The following C1QTNF1 variants were observed in gnomAD, a reference collection of about 807,000 sequenced individuals.
C1QTNF1 encodes the protein C1q and TNF related 1.
In C1QTNF1, 22 loss-of-function variants were observed where a neutral mutation model predicts 27.8. The observed-to-expected ratio is 0.79, with a 90% CI of 0.56 to 1.13. The LOEUF is 1.13. C1QTNF1 is among the 50% of genes most tolerant of loss of function. The pLI, the probability that C1QTNF1 is intolerant of heterozygous loss-of-function variation, is 0.00. For synonymous variants in C1QTNF1, 166 were observed against 154.3 expected, an observed-to-expected ratio of 1.08 and a Z score of -0.56; for missense variants, 373 against 380.2, an observed-to-expected ratio of 0.98 and a Z score of 0.16.
intron 1 of C1QTNF1, among the ~76,000 whole-genome samples, chr17:79,036,095 C>G (rs1215038247): frequency 2.0e-5 from 3 of 152,260 alleles, no homozygotes; most frequent in Non-Finnish European, 4.4e-5. Flanking sequence ...TAGAACAGAG[C>G]TGTCCAACAA....
chr17:79,046,617 G>T lies in C1QTNF1; in HGVS notation c.218G>T (p.Cys73Phe). The T allele has an allele frequency of 6.2e-7, 1 of 1,614,242 alleles. No individual in the cohort carries two copies. Among genetic ancestry groups the T allele is most frequent in the Non-Finnish European group, 8.5e-7 (1 of 1,180,034 alleles). The change falls in exon 3 of 4, where the codon TGC becomes TTC. Residue 73 changes from cysteine to phenylalanine, a missense_variant. Physicochemically the swap from Cys to Phe is radical, Grantham distance 205. Transcript: ENST00000579760. This position sits in a 1 kb window ranked among gnomAD's most constrained non-coding sequence, Gnocchi z 4.8. ...GACCAGGGGCTCCCTGCTTCCCGGT[G>T]CTTGCGCTGCTGTGACCCCGGTACC... is the stretch of plus-strand genomic sequence containing the variant. ...SQDQGLPASRCLRCCDPGTSM... is the reference protein window; with the variant it reads ...SQDQGLPASRFLRCCDPGTSM...
intron 1 of C1QTNF1, among the ~76,000 whole-genome samples, chr17:79,042,452 G>A (rs73408642): frequency 2.0e-5 from 3 of 152,236 alleles, no homozygotes; most frequent in Non-Finnish European, 2.9e-5. Context: ...GGAGTGAGAC[G>A]TGGGGTTGGC....
At position 79,046,933 on chromosome 17, in the gene C1QTNF1, G is replaced by A. The variant is rs911949137; in HGVS notation, c.295+239G>A. 3.5e-6 allele frequency: 2 copies of A among 564,438 alleles called. No homozygotes were observed. Among genetic ancestry groups the A allele is most frequent in the Non-Finnish European group, 6.2e-6 (2 of 323,556 alleles). 35.0% of individuals were successfully genotyped at this position (564,438 alleles called of 1,614,324 possible). A position where few individuals can be genotyped will look rare whatever the true frequency, so the allele number is the denominator to read the frequency against. On this transcript the variant is annotated intron_variant, in intron 3 of 3. Coordinates refer to ENST00000579760, the MANE Select transcript of C1QTNF1 (RefSeq NM_030968.5). The surrounding 1 kb of genome is among the most constrained non-coding windows in gnomAD (Gnocchi z 4.8). ...GGCCCACAGGACCAAGAGCAGGAGA[G>A]GGAGCCCAGAGGCTACTCGGGGTCT...
At chr17:79,040,698 A>G (rs903125639) in intron 1 of C1QTNF1, among the ~76,000 whole-genome samples, 8 of 144,836 alleles carry the variant, frequency 5.5e-5, no homozygotes, top group African/African-American at 2.1e-4. Flanking sequence ...GTTTGAGACC[A>G]GCCTGGGCAA....
chr17:79,048,051 T>C lies in C1QTNF1; in HGVS notation c.809T>C (p.Phe270Ser). ...GAGGAGCTGGACACCTACATCACCT[T>C]CAGTGGCTACCTGGTCAAGCACGCC... ...FSEELDTYIT[F>S]SGYLVKHATE... is the part of the protein sequence containing the mutation. Residue 270 changes from phenylalanine (F) to serine (S), a missense_variant, in exon 4 of 4, where the codon TTC becomes TCC. Physicochemically the swap from Phe to Ser is radical, Grantham distance 155. Transcript: ENST00000579760. 3 of 1,585,088 alleles carry C rather than the reference T, an allele frequency of 1.9e-6. No individual in the cohort carries two copies. The highest frequency in any genetic ancestry group is 2.6e-6 in the Non-Finnish European group (3 of 1,168,730).
intron 1 of C1QTNF1, among the ~76,000 whole-genome samples, chr17:79,031,422 A>T (rs553704345): frequency 7.9e-5 from 12 of 151,986 alleles, no homozygotes; most frequent in South Asian, 4.2e-4. Context: ...TCTAGTTTCC[A>T]TCATATGGAT....
At chr17:79,023,714 A>G (rs955737898), upstream of C1QTNF1, among the ~76,000 whole-genome samples, 42 of 152,076 alleles carry the variant, frequency 2.8e-4, 1 homozygote, top group East Asian at 6.2e-3. Context: ...GCACACACAC[A>G]CACACACACA....
At chr17:79,030,750 C>T (rs1386627344) in intron 1 of C1QTNF1, among the ~76,000 whole-genome samples, 1 of 151,930 alleles carries the variant, frequency 6.6e-6, no homozygotes, top group African/African-American at 2.4e-5. Context: ...TAGGCACACG[C>T]CACCACACCC....
intron 1 of C1QTNF1, among the ~76,000 whole-genome samples, chr17:79,033,882 C>T (rs562239902): frequency 3.5e-4 from 54 of 152,222 alleles, no homozygotes; most frequent in African/African-American, 1.3e-3. Flanking sequence ...GCTTACAGTG[C>T]GCACGAAAGA....
chr17:79,041,982 G>C (rs2072422928), intron 1 of C1QTNF1: 1 of 152,232 alleles, frequency 6.6e-6, no homozygotes, highest in Non-Finnish European at 1.5e-5. Flanking sequence ...GTCTGGCCCA[G>C]GGCCTTTGGA....
Position 79,028,883 on chromosome 17 carries a change from GGTGTGTGTGTGTGT to G in C1QTNF1, c.-15+4405_-15+4418del, listed in dbSNP as rs3223281. ...ACTGCCCAAGCCCCTCACATTTTAA[GGTGTGTGTGTGTGT>G]GTGTGTGTGTGTGTGCATGCACGCG... On this transcript the variant is annotated intron_variant, in intron 1 of 3. Transcript: ENST00000579760. Among the ~76,000 whole-genome samples the G allele has an allele frequency of 6.7e-5, 10 of 149,374 alleles. No homozygotes were observed. In the East Asian group the frequency reaches 1.8e-3, roughly 26 times the overall value.
intron 1 of C1QTNF1, among the ~76,000 whole-genome samples, chr17:79,026,860 C>T (rs2071977552): frequency 6.6e-6 from 1 of 152,238 alleles, no homozygotes; most frequent in African/African-American, 2.4e-5. Flanking sequence ...CCCCCCTTTT[C>T]AGGGCAACCA....
At position 79,043,400 on chromosome 17, in the gene C1QTNF1, TGTGA is replaced by T. The variant is rs985777635; in HGVS notation, c.-14-551_-14-548del. ...GACTGTGTATGTGCATGTATGTGCA[TGTGA>T]GTGTGAGTGTATGTGTGTTGACTGT... On this transcript the variant is annotated intron_variant, in intron 1 of 3. Coordinates refer to ENST00000579760, the MANE Select transcript of C1QTNF1 (RefSeq NM_030968.5). 21 of 451,498 alleles carry T rather than the reference TGTGA, an allele frequency of 4.7e-5. No individual in the cohort carries two copies. The East Asian group carries it at 8.5e-4, about 18-fold the overall frequency. The allele number at this position is 451,498 out of a possible 1,614,324, so 28.0% of individuals were successfully genotyped here.
At chr17:79,045,878 G>A (rs1156331752) in intron 2 of C1QTNF1, among the ~76,000 whole-genome samples, 1 of 152,158 alleles carries the variant, frequency 6.6e-6, no homozygotes, top group African/African-American at 2.4e-5. Flanking sequence ...AGGGCACAGA[G>A]ATCCGTTTCC....
Position 79,047,072 on chromosome 17 carries a change from A to G in C1QTNF1, c.295+378A>G, listed in dbSNP as rs1160608876. On this transcript the variant is annotated intron_variant, in intron 3 of 3. Coordinates refer to ENST00000579760, the MANE Select transcript of C1QTNF1 (RefSeq NM_030968.5). ...CTCGCTCCGGTCCTGCACACGGCAG[A>G]TAACCCTGCACAGCCCCGTGAAATC... The G allele has an allele frequency of 7.5e-5, 21 of 280,838 alleles. No individual in the cohort carries two copies. The East Asian group carries it at 1.3e-3, about 17-fold the overall frequency. 17.4% of individuals were successfully genotyped at this position (280,838 alleles called of 1,614,324 possible).
chr17:79,044,213 G>T, intron 2 of C1QTNF1, 90 bp downstream of exon 2: 1 of 1,384,932 alleles, frequency 7.2e-7, no homozygotes, highest in Non-Finnish European at 9.5e-7. Flanking sequence ...CTAGTTCACT[G>T]TGAGATGTGA....
chr17:79,035,897 G>A (rs796105266), intron 1 of C1QTNF1, among the ~76,000 whole-genome samples: 2 of 152,178 alleles, frequency 1.3e-5, no homozygotes, highest in African/African-American at 2.4e-5. Context: ...GGGGGACAGC[G>A]GAGCCCCTGG....
intron 1 of C1QTNF1, among the ~76,000 whole-genome samples, chr17:79,028,274 A>C (rs1281064301): frequency 1.3e-5 from 2 of 152,206 alleles, no homozygotes; most frequent in Non-Finnish European, 2.9e-5. Context: ...GAATGCCCCA[A>C]ACCCTATGCT....
intron 1 of C1QTNF1, among the ~76,000 whole-genome samples, chr17:79,042,065 G>A (rs756864289): frequency 3.9e-5 from 6 of 152,374 alleles, no homozygotes; most frequent in Non-Finnish European, 5.9e-5. Flanking sequence ...AGCCAGGAGT[G>A]AGGGACGCTT....
Sources: allele counts gnomAD v4.1 joint callset (sites outside exome capture counted in the v4.1 genomes callset), GRCh38; gene constraint gnomAD v4.1.1; non-coding constraint Gnocchi (gnomAD v3.1); transcripts MANE v1.5; gene names NCBI Gene and HGNC (gene_info 2026-07-23, HGNC 2026-07-21).